The following ZNF609 variants were observed in gnomAD, a reference collection of about 807,000 sequenced individuals.
ZNF609 encodes zinc finger protein 609.
ZNF609 carries 11 observed loss-of-function variants against 109.5 expected under a neutral mutation model. The ratio of observed to expected loss-of-function variants is 0.10; its 90% CI spans 0.06 to 0.17. The LOEUF is 0.17. Ranked by LOEUF, ZNF609 falls within the 10% of genes least tolerant of loss-of-function variation. The pLI is 1.00. For synonymous variants in ZNF609, 646 were observed against 662.0 expected (o/e 0.98, Z 0.37); for missense variants, 1,559 against 1,772.4 (o/e 0.88, Z 2.16).
chr15:64,618,376 G>C (rs1567030855), intron 2 of ZNF609, among the ~76,000 whole-genome samples: 1 of 152,152 alleles, frequency 6.6e-6, no homozygotes, highest in Admixed American at 6.6e-5. Flanking sequence ...GCAGTGTCTA[G>C]GGGTGAATGC....
chr15:64,485,391 TAAATA>T (rs1893317769), intron 1 of ZNF609, among the ~76,000 whole-genome samples: 1 of 152,210 alleles, frequency 6.6e-6, no homozygotes, highest in Admixed American at 6.6e-5. Context: ...AAATAGTAAA[TAAATA>T]AAATATGTTT....
intron 1 of ZNF609, among the ~76,000 whole-genome samples, chr15:64,462,110 G>C (rs1336637239): frequency 6.6e-6 from 1 of 152,184 alleles, no homozygotes; most frequent in East Asian, 1.9e-4. Context: ...CCATCTCCCA[G>C]GCTCCTCAGT....
intron 3 of ZNF609, 32 bp from the exon 4 acceptor site, chr15:64,670,314 C>A: frequency 6.3e-7 from 1 of 1,578,844 alleles, no homozygotes; most frequent in Non-Finnish European, 8.7e-7. Context: ...TGGGGTGTGT[C>A]TTGTCTATAT....
chr15:64,605,768 C>G (rs1895584659), intron 2 of ZNF609, among the ~76,000 whole-genome samples: 1 of 142,452 alleles, frequency 7.0e-6, no homozygotes, highest in Non-Finnish European at 1.5e-5. Flanking sequence ...GAGTCTCGCT[C>G]TGTCGCCCAG....
chr15:64,529,474 G>T, intron 2 of ZNF609: 2 of 1,044,930 alleles, frequency 1.9e-6, no homozygotes, highest in Non-Finnish European at 2.9e-6. Context: ...GATGACAAGC[G>T]TCCCGTTCTC....
rs1595746345 is a variant in ZNF609 at position 64,631,531 on chromosome 15, T to G, written c.973+8479T>G. 5 of 622,126 alleles carry G rather than the reference T, an allele frequency of 8.0e-6. No individual in the cohort carries two copies. In the East Asian group the frequency reaches 1.6e-4, roughly 20 times the overall value. 38.5% of individuals were successfully genotyped at this position (622,126 alleles called of 1,614,324 possible). On this transcript the variant is annotated intron_variant, in intron 3 of 9. Coordinates refer to ENST00000326648, the MANE Select transcript of ZNF609 (RefSeq NM_015042.2). Reference sequence around the variant, plus strand: ...TGGCCAAAGAAACAACTTCATATTTTCTTTTCTTTCTTTTTTTTTAGACGG... The same window carrying G: ...TGGCCAAAGAAACAACTTCATATTTGCTTTTCTTTCTTTTTTTTTAGACGG...
chr15:64,550,036 G>T (rs922420683), intron 2 of ZNF609, among the ~76,000 whole-genome samples: 2 of 152,022 alleles, frequency 1.3e-5, no homozygotes, highest in African/African-American at 4.8e-5. Flanking sequence ...GCTCACTGCA[G>T]CCTCTACTTC....
chr15:64,463,536 A>G (rs1238126689), intron 1 of ZNF609, among the ~76,000 whole-genome samples: 1 of 152,248 alleles, frequency 6.6e-6, no homozygotes, highest in Non-Finnish European at 1.5e-5. Flanking sequence ...TGTGTACACA[A>G]TAGCCAATCA....
At chr15:64,539,970 C>T (rs1475656073) in intron 2 of ZNF609, among the ~76,000 whole-genome samples, 1 of 152,158 alleles carries the variant, frequency 6.6e-6, no homozygotes, top group Admixed American at 6.5e-5. Flanking sequence ...TAGGGTCCCA[C>T]CATCTTGCCC....
intron 1 of ZNF609, among the ~76,000 whole-genome samples, chr15:64,473,540 C>G (rs1566992727): frequency 6.6e-6 from 1 of 151,760 alleles, no homozygotes; most frequent in Non-Finnish European, 1.5e-5. Flanking sequence ...TCATCTGAAT[C>G]ATTCACCAAA....
At chr15:64,587,026 C>T (rs1895210401) in intron 2 of ZNF609, among the ~76,000 whole-genome samples, 1 of 152,144 alleles carries the variant, frequency 6.6e-6, no homozygotes, top group African/African-American at 2.4e-5. Context: ...CTGCCTGTTG[C>T]TTTCTAGAAG....
chr15:64,606,572 A>G (rs1895605469), intron 2 of ZNF609, among the ~76,000 whole-genome samples: 1 of 151,682 alleles, frequency 6.6e-6, no homozygotes, highest in East Asian at 2.0e-4. Context: ...AAAAAAAAAA[A>G]AAAAACAGAA....
At position 64,676,252 on chromosome 15, in the gene ZNF609, G is replaced by A. The variant is rs1896809502; in HGVS notation, c.3398G>A (p.Arg1133Gln). ...QAEMDPILWYRQEAEPRMWTY... is the reference protein window; with the variant it reads ...QAEMDPILWYQQEAEPRMWTY... ...GAGATGGATCCAATACTCTGGTACC[G>A]ACAGGTAACTGTTGCCCTGGGAGGA... Residue 1133 changes from arginine to glutamine, a missense_variant, in exon 5 of 10, where the codon CGA becomes CAA. Arg to Gln is a conservative substitution (Grantham distance 43). This residue lies in a region of ZNF609 where 1,204 missense variants were observed against 1,314.1 expected (regional missense o/e 0.92). Transcript: ENST00000326648. 4.4e-6 allele frequency: 7 copies of A among 1,598,078 alleles called. No individual in the cohort carries two copies. The highest frequency in any genetic ancestry group is 6.0e-6 in the Non-Finnish European group (7 of 1,172,742).
intron 2 of ZNF609, among the ~76,000 whole-genome samples, chr15:64,610,191 A>C (rs1169801488): frequency 1.3e-5 from 2 of 152,028 alleles, no homozygotes; most frequent in Non-Finnish European, 2.9e-5. Flanking sequence ...AAAAATTAAA[A>C]ATTGAGCAAA....
intron 1 of ZNF609, among the ~76,000 whole-genome samples, chr15:64,461,914 G>A (rs1031108667): frequency 6.6e-6 from 1 of 152,144 alleles, no homozygotes; most frequent in Non-Finnish European, 1.5e-5. Flanking sequence ...AGGGAGTGCT[G>A]GTTTAGGCTG....
intron 2 of ZNF609, among the ~76,000 whole-genome samples, chr15:64,614,167 C>T (rs1212197390): frequency 6.6e-6 from 1 of 151,858 alleles, no homozygotes; most frequent in Non-Finnish European, 1.5e-5. Flanking sequence ...GTGATCTGCC[C>T]ACCTTGGACT....
intron 1 of ZNF609, among the ~76,000 whole-genome samples, chr15:64,496,947 C>T (rs1358684413): frequency 1.3e-5 from 2 of 152,054 alleles, no homozygotes; most frequent in Admixed American, 6.6e-5. Context: ...CCCTGAGTAG[C>T]GGGGGCTACA....
intron 3 of ZNF609, among the ~76,000 whole-genome samples, chr15:64,641,077 T>C (rs567874026): frequency 1.4e-3 from 208 of 152,312 alleles, no homozygotes; most frequent in South Asian, 2.9e-3. Flanking sequence ...CAGATCTGAA[T>C]GCTCTTCAAA....
chr15:64,616,331 C>T (rs146733412), intron 2 of ZNF609, among the ~76,000 whole-genome samples: 1 of 151,750 alleles, frequency 6.6e-6, no homozygotes, highest in East Asian at 2.0e-4. Flanking sequence ...ATGTTGCAGC[C>T]ATGAAGATTT....
Sources: allele counts gnomAD v4.1 joint callset (sites outside exome capture counted in the v4.1 genomes callset), GRCh38; gene constraint gnomAD v4.1.1; regional missense constraint gnomAD v4.1.1; transcripts MANE v1.5; gene names NCBI Gene and HGNC (gene_info 2026-07-23, HGNC 2026-07-21).